Variants in EIF3B observed in about 807,000 individuals in gnomAD.
EIF3B encodes the protein eukaryotic translation initiation factor 3 subunit B.
EIF3B carries 10 observed loss-of-function variants against 104.6 expected under a neutral mutation model. That is an observed-to-expected ratio of 0.10 (90% CI 0.06 to 0.16). EIF3B has a LOEUF of 0.16. Ranked by LOEUF, EIF3B falls within the 10% of genes least tolerant of loss-of-function variation. The pLI, the probability that EIF3B is intolerant of heterozygous loss-of-function variation, is 1.00. For synonymous variants in EIF3B, 542 were observed against 417.2 expected, an observed-to-expected ratio of 1.30 and a Z score of -3.65; for missense variants, 1,014 against 1,087.9, an observed-to-expected ratio of 0.93 and a Z score of 0.96.
At chr7:2,357,475 G>C (rs1779510273) in intron 1 of EIF3B, among the ~76,000 whole-genome samples, 1 of 152,208 alleles carries the variant, frequency 6.6e-6, no homozygotes, top group Non-Finnish European at 1.5e-5. Flanking sequence ...GAAGGGCCAA[G>C]TCTTCCAAGG....
At chr7:2,354,370 G>A (rs1292516161), upstream of EIF3B, 1 of 152,284 alleles carries the variant, frequency 6.6e-6, no homozygotes, top group African/African-American at 2.4e-5. Context: ...GGGGACTTTA[G>A]TAACGTAAAC....
intron 14 of EIF3B, among the ~76,000 whole-genome samples, 169 bp downstream of exon 14, chr7:2,375,696 G>A (rs564688858): frequency 3.3e-5 from 5 of 152,322 alleles, no homozygotes; most frequent in Admixed American, 6.5e-5. Context: ...CTGGGTTGTA[G>A]AAGAGGTGGC....
chr7:2,364,972 T>C (rs1389835291), intron 6 of EIF3B, among the ~76,000 whole-genome samples: 1 of 152,244 alleles, frequency 6.6e-6, no homozygotes, highest in East Asian at 1.9e-4. Context: ...GATAATAAAT[T>C]GTCCTTCCTC....
chr7:2,365,699 C>CT (rs1779983434), intron 6 of EIF3B, among the ~76,000 whole-genome samples: 2 of 121,846 alleles, frequency 1.6e-5, no homozygotes, highest in Non-Finnish European at 3.3e-5. Context: ...TTTTTTGAAA[C>CT]TGAGTTTCAT....
At chr7:2,355,565 A>G in intron 1 of EIF3B, 145 bp downstream of exon 1, 1 of 1,205,386 alleles carries the variant, frequency 8.3e-7, no homozygotes, top group Middle Eastern at 3.0e-4. Context: ...CCACCGAGGG[A>G]GGGGTTCCCG....
Position 2,366,305 on chromosome 7 carries a change from C to A in EIF3B, c.1158-12C>A, listed in dbSNP as rs369567364. 60 of 1,595,152 alleles carry A rather than the reference C, an allele frequency of 3.8e-5. No individual in the cohort carries two copies. The highest frequency in any genetic ancestry group is 1.8e-4 in the Middle Eastern group (1 of 5,492). On this transcript the variant is annotated splice_polypyrimidine_tract_variant and intron_variant, in intron 6 of 18. Transcript: ENST00000360876. ...GAGGAGGATAGTGTACAGTGTTGCC[C>A]TTCTCTTCTAGGTACCTGGTGACCT...
Position 2,374,601 on chromosome 7 carries a change from G to A in EIF3B, c.1884G>A (p.Leu628=), listed in dbSNP as rs114731734. The change falls in exon 13 of 19, where the codon CTG becomes CTA. Residue 628 remains leucine (L), a synonymous_variant. Coordinates refer to ENST00000360876, the MANE Select transcript of EIF3B (RefSeq NM_001037283.2). ...GACAGTTCGTGGTGTTGGCGGGCCT[G>A]AGGAGGTAGGTGTCTGCGCTCTGAG... ...PQGQFVVLAG[L]RSMNGALAFV... is the part of the protein sequence containing the mutation. 489 of 1,614,002 alleles carry A rather than the reference G, an allele frequency of 3.0e-4. 3 individuals carry two copies. The African/African-American group carries it at 6.0e-3, about 20-fold the overall frequency.
At chr7:2,367,893 G>A (rs990116208) in intron 9 of EIF3B, among the ~76,000 whole-genome samples, 1 of 130,250 alleles carries the variant, frequency 7.7e-6, no homozygotes, top group Non-Finnish European at 1.5e-5. Flanking sequence ...GCAGGCTGGT[G>A]TAGAGTGGCG....
chr7:2,363,546 C>A, intron 4 of EIF3B, 86 bp from the exon 5 acceptor site: 1 of 1,260,026 alleles, frequency 7.9e-7, no homozygotes, highest in Admixed American at 2.3e-5. Context: ...GTGGACTGAA[C>A]TTGTCATATC....
intron 3 of EIF3B, 37 bp downstream of exon 3, chr7:2,362,801 A>G: frequency 6.2e-7 from 1 of 1,611,818 alleles, no homozygotes; most frequent in Non-Finnish European, 8.5e-7. Context: ...GTGGACGTTG[A>G]CGTGCAAGTG....
At chr7:2,374,999 G>A (rs190013568) in intron 13 of EIF3B, 2 of 302,050 alleles carry the variant, frequency 6.6e-6, no homozygotes, top group East Asian at 6.3e-5. Context: ...TTGGTGTCAC[G>A]GTGTCGGTCT....
rs1199555622 is a variant in EIF3B, at chr7:2,380,535, TCTC to T, written c.*349_*351del. 1 of 412,268 alleles carries T rather than the reference TCTC, an allele frequency of 2.4e-6. No homozygotes were observed. The highest frequency in any genetic ancestry group is 4.8e-6 in the Non-Finnish European group (1 of 207,130). The allele number at this position is 412,268 out of a possible 1,614,324, so 25.5% of individuals were successfully genotyped here. ...CTTAGCGACGCCACTGGCGGCACCTTCTCCTGCGCCCAGTGATGTTTCCACGGT... is the reference window on the plus strand; with the variant it reads ...CTTAGCGACGCCACTGGCGGCACCTTCTGCGCCCAGTGATGTTTCCACGGT... On this transcript the variant is annotated 3_prime_UTR_variant, in exon 19 of 19. Coordinates refer to ENST00000360876, the MANE Select transcript of EIF3B (RefSeq NM_001037283.2).
intron 10 of EIF3B, among the ~76,000 whole-genome samples, chr7:2,370,797 C>T (rs952676843): frequency 3.3e-5 from 5 of 151,374 alleles, no homozygotes; most frequent in African/African-American, 7.3e-5. Flanking sequence ...GGAAAAAGGC[C>T]GGGCACGGTG....
At chr7:2,379,113 T>C (rs1306473624) in intron 16 of EIF3B, 21 bp from the exon 17 acceptor site, 1 of 1,609,584 alleles carries the variant, frequency 6.2e-7, no homozygotes, top group East Asian at 2.2e-5. Context: ...AGTTCTGTGC[T>C]TTCCCCAACC....
Position 2,372,730 on chromosome 7 carries a change from G to T in EIF3B, c.1745G>T (p.Gly582Val), listed in dbSNP as rs1780422036. Residue 582 changes from glycine (G) to valine (V), a missense_variant, in exon 12 of 19, where the codon GGA becomes GTA. Coordinates refer to ENST00000360876, the MANE Select transcript of EIF3B (RefSeq NM_001037283.2). ...PNGSKFAVLH[G>V]EAPRISVSFY... The stretch of plus-strand genomic sequence containing the variant: ...GGAAGTAAGTTTGCTGTGCTGCACG[G>T]AGAGGCTCCGCGGATATCTGTGTCT... The T allele has an allele frequency of 6.2e-7, 1 of 1,614,056 alleles. No homozygotes were observed. Among genetic ancestry groups the T allele is most frequent in the Admixed American group, 1.7e-5 (1 of 60,004 alleles).
At chr7:2,379,041 G>T (rs1195242536) in intron 16 of EIF3B, 93 bp from the exon 17 acceptor site, 2 of 1,078,804 alleles carry the variant, frequency 1.9e-6, no homozygotes, top group African/African-American at 1.6e-5. Flanking sequence ...TCTGTATGCT[G>T]TCCTTCTGGC....
intron 12 of EIF3B, 94 bp from the exon 13 acceptor site, chr7:2,374,433 TG>T: frequency 8.3e-7 from 1 of 1,210,476 alleles, no homozygotes; most frequent in Non-Finnish European, 1.2e-6. Context: ...TCTGCCCTCA[TG>T]GGCAGCATGA....
intron 18 of EIF3B, chr7:2,379,834 G>A (rs962145444): frequency 3.5e-5 from 12 of 344,500 alleles, no homozygotes; most frequent in East Asian, 7.3e-5. Flanking sequence ...AGTGACGGCC[G>A]CGGTGTGTCC....
Position 2,355,219 on chromosome 7 carries a change from C to T in EIF3B, c.298C>T (p.Pro100Ser), listed in dbSNP as rs1010977724. Residue 100 changes from proline to serine, a missense_variant, in exon 1 of 19, where the codon CCT (proline) becomes TCT (serine). By Grantham distance (74) the Pro-to-Ser change is moderately conservative. Transcript: ENST00000360876. The stretch of plus-strand genomic sequence containing the variant: ...GCTGCCCGGGTCGCATGCTGAGCCC[C>T]CTGTCCCGGCACAGGGCGAGGCCCC... Reference protein sequence around the residue: ...EELPGSHAEPPVPAQGEAPGE... With the variant: ...EELPGSHAEPSVPAQGEAPGE... 12 of 1,496,264 alleles carry T rather than the reference C, an allele frequency of 8.0e-6. No individual in the cohort carries two copies. In the East Asian group the frequency reaches 1.1e-4, roughly 14 times the overall value. 92.7% of individuals were successfully genotyped at this position (1,496,264 alleles called of 1,614,324 possible).
Sources: allele counts gnomAD v4.1 joint callset (sites outside exome capture counted in the v4.1 genomes callset), GRCh38; gene constraint gnomAD v4.1.1; transcripts MANE v1.5; gene names NCBI Gene and HGNC (gene_info 2026-07-23, HGNC 2026-07-21).